Variants in CSMD1 observed in about 807,000 individuals in gnomAD.
CSMD1 encodes the protein CUB and Sushi multiple domains 1.
A neutral mutation model predicts 417.5 loss-of-function variants in CSMD1; 213 were observed. The observed-to-expected ratio is 0.51, with a 90% CI of 0.46 to 0.57. The LOEUF (loss-of-function observed/expected upper bound fraction) is 0.57, where lower values mean the gene tolerates loss of function less well. Ranked by LOEUF, CSMD1 falls within the 20% of genes least tolerant of loss-of-function variation. CSMD1 has a pLI of 0.00. For synonymous variants in CSMD1, 2,862 were observed against 1,736.8 expected, an observed-to-expected ratio of 1.65 and a Z score of -16.11; for missense variants, 6,923 against 4,529.7, an observed-to-expected ratio of 1.53 and a Z score of -15.17.
chr8:2,995,270 A>G (rs1014365001), intron 54 of CSMD1, among the ~76,000 whole-genome samples: 1 of 152,252 alleles, frequency 6.6e-6, no homozygotes, highest in African/African-American at 2.4e-5. Context: ...TGAAGAGTAC[A>G]GATGGGAATA....
intron 12 of CSMD1, among the ~76,000 whole-genome samples, chr8:3,445,102 C>T (rs764779144): frequency 2.0e-5 from 3 of 152,136 alleles, no homozygotes; most frequent in African/African-American, 7.2e-5. Context: ...AAAAGAAAAA[C>T]AGAAAATAGG....
At chr8:3,269,326 T>C (rs886120325) in intron 26 of CSMD1, among the ~76,000 whole-genome samples, 13 of 152,326 alleles carry the variant, frequency 8.5e-5, no homozygotes, top group African/African-American at 3.1e-4. Context: ...AGGGGAGCGA[T>C]GGCTCCAGCT....
At chr8:3,773,373 A>G (rs1054179232) in intron 5 of CSMD1, among the ~76,000 whole-genome samples, 4 of 152,150 alleles carry the variant, frequency 2.6e-5, no homozygotes, top group Non-Finnish European at 5.9e-5. Flanking sequence ...AGCCTCGACT[A>G]CAGTGAAGGC....
intron 3 of CSMD1, among the ~76,000 whole-genome samples, chr8:4,214,819 C>T (rs73658488): frequency 0.025 from 3,815 of 152,036 alleles, 174 homozygotes; most frequent in African/African-American, 0.088. Flanking sequence ...CTCAAAAATA[C>T]GAACAAATTT....
intron 4 of CSMD1, among the ~76,000 whole-genome samples, chr8:4,002,780 C>A (rs1038549406): frequency 6.6e-6 from 1 of 152,192 alleles, no homozygotes; most frequent in Non-Finnish European, 1.5e-5. Context: ...ATTGGAAGAA[C>A]TGAATAGAAA....
At chr8:3,393,515 A>G (rs1223687048) in intron 17 of CSMD1, among the ~76,000 whole-genome samples, 1 of 152,176 alleles carries the variant, frequency 6.6e-6, no homozygotes, top group Non-Finnish European at 1.5e-5. Context: ...TTGGCTGCAT[A>G]AATGTCTTCT....
chr8:3,384,018 C>A (rs897016340), intron 18 of CSMD1, among the ~76,000 whole-genome samples: 2 of 152,030 alleles, frequency 1.3e-5, no homozygotes, highest in Admixed American at 6.6e-5. Flanking sequence ...ACCACTAGTG[C>A]CAGACAATTA....
intron 2 of CSMD1, among the ~76,000 whole-genome samples, chr8:4,427,829 T>C (rs1797652373): frequency 6.6e-6 from 1 of 152,198 alleles, no homozygotes; most frequent in Non-Finnish European, 1.5e-5. Context: ...TTTAACCTAT[T>C]GAATAATTCT....
intron 10 of CSMD1, among the ~76,000 whole-genome samples, chr8:3,567,837 A>T (rs1051185986): frequency 6.6e-6 from 1 of 152,108 alleles, no homozygotes; most frequent in Non-Finnish European, 1.5e-5. Flanking sequence ...GCTGTATTAA[A>T]TGATTCTGCT....
chr8:2,995,478 A>G lies in CSMD1; in HGVS notation c.8377+2533T>C, dbSNP rs76418560. Among the ~76,000 whole-genome samples the G allele has an allele frequency of 6.4e-3, 970 of 152,334 alleles. 12 individuals carry two copies. The highest frequency in any genetic ancestry group is 0.022 in the African/African-American group (927 of 41,570). Reference sequence around the variant, plus strand: ...CAAATAGTACCGCCATGCTGGAAAAATGCTTGGCAGTTTCTTATAAGACTA... The same window carrying G: ...CAAATAGTACCGCCATGCTGGAAAAGTGCTTGGCAGTTTCTTATAAGACTA... On this transcript the variant is annotated intron_variant, in intron 54 of 69. Coordinates refer to ENST00000635120, the MANE Select transcript of CSMD1 (RefSeq NM_033225.6).
At chr8:4,108,523 T>G (rs1284134358) in intron 3 of CSMD1, among the ~76,000 whole-genome samples, 3 of 152,182 alleles carry the variant, frequency 2.0e-5, no homozygotes, top group Non-Finnish European at 4.4e-5. Flanking sequence ...ATTTGATAAT[T>G]TATTTGTAAC....
At chr8:4,606,296 G>C (rs1370546291) in intron 2 of CSMD1, among the ~76,000 whole-genome samples, 1 of 152,082 alleles carries the variant, frequency 6.6e-6, no homozygotes, top group Non-Finnish European at 1.5e-5. Context: ...GTGACTTAGA[G>C]TCTGTTTATA....
intron 3 of CSMD1, among the ~76,000 whole-genome samples, chr8:4,287,007 T>G (rs1365970716): frequency 6.6e-6 from 1 of 152,126 alleles, no homozygotes. Context: ...AAGGGCTAAG[T>G]TTCACTTGAA....
intron 3 of CSMD1, among the ~76,000 whole-genome samples, chr8:4,167,104 C>A (rs187406051): frequency 2.3e-4 from 35 of 152,304 alleles, no homozygotes; most frequent in Non-Finnish European, 4.6e-4. Context: ...GTAAAACCCT[C>A]AACTTCCCAT....
intron 10 of CSMD1, among the ~76,000 whole-genome samples, chr8:3,564,183 A>G (rs1452887228): frequency 6.6e-6 from 1 of 152,216 alleles, no homozygotes; most frequent in African/African-American, 2.4e-5. Context: ...ATTTTGAAAT[A>G]TATAATAAAT....
chr8:4,279,600 G>A (rs528077839), intron 3 of CSMD1, among the ~76,000 whole-genome samples: 8 of 152,228 alleles, frequency 5.3e-5, no homozygotes, highest in African/African-American at 1.7e-4. Flanking sequence ...TAAACAAATA[G>A]ACTCAATGAA....
rs565234086 is a variant in CSMD1, at chr8:4,563,463, T to C, written c.302+73879A>G. ...ACAATGATCATCTCACATTCAACAA[T>C]GCCAAGGCACAGGCTCTCCCGTTCA... On this transcript the variant is annotated intron_variant, in intron 2 of 69. Coordinates refer to ENST00000635120, the MANE Select transcript of CSMD1 (RefSeq NM_033225.6). Among the ~76,000 whole-genome samples, 13 of 152,198 alleles carry C rather than the reference T, an allele frequency of 8.5e-5. No individual in the cohort carries two copies. In the South Asian group the frequency reaches 2.5e-3, roughly 29 times the overall value.
chr8:4,853,980 A>T lies in CSMD1; in HGVS notation c.85+140352T>A, dbSNP rs564183502. On this transcript the variant is annotated intron_variant, in intron 1 of 69. Coordinates refer to ENST00000635120, the MANE Select transcript of CSMD1 (RefSeq NM_033225.6). ...TTTTGGCCATTTTTTTTCCTTTGGTATGAGAATATTTACCTAATTCCTGGA... is the reference window on the plus strand; with the variant it reads ...TTTTGGCCATTTTTTTTCCTTTGGTTTGAGAATATTTACCTAATTCCTGGA... Among the ~76,000 whole-genome samples, 77 of 152,170 alleles carry T rather than the reference A, an allele frequency of 5.1e-4. 1 individual carries two copies. Among genetic ancestry groups the T allele is most frequent in the Non-Finnish European group, 1.5e-5 (1 of 68,004 alleles).
chr8:3,242,993 C>G (rs1373215839), intron 26 of CSMD1, among the ~76,000 whole-genome samples: 2 of 152,034 alleles, frequency 1.3e-5, no homozygotes, highest in African/African-American at 2.4e-5. Flanking sequence ...TTCCGTAGTC[C>G]GTGACCAGCG....
Sources: gnomAD v4.1 joint callset for allele counts (sites outside exome capture counted in the v4.1 genomes callset) on GRCh38, gnomAD v4.1.1 for gene constraint, MANE v1.5 for transcripts, NCBI Gene and HGNC (gene_info 2026-07-23, HGNC 2026-07-21) for gene names.